Variants in SLTM observed in about 807,000 individuals in gnomAD.
The protein encoded by SLTM is SAFB like transcription modulator, also known as SAFB-like transcription modulator.
In SLTM, 43 loss-of-function variants were observed where a neutral mutation model predicts 134.6. The ratio of observed to expected loss-of-function variants is 0.32; its 90% CI spans 0.25 to 0.41. The LOEUF is 0.41. Among genes scored for constraint, SLTM ranks in the 10% least tolerant of loss-of-function variants. The pLI is 1.00. For missense variants in SLTM, 1,055 were observed against 1,288.8 expected, an observed-to-expected ratio of 0.82 and a Z score of 2.78; for synonymous variants, 424 against 432.3, an observed-to-expected ratio of 0.98 and a Z score of 0.24.
At chr15:58,911,472 A>G (rs2036263124) in intron 5 of SLTM, among the ~76,000 whole-genome samples, 1 of 152,242 alleles carries the variant, frequency 6.6e-6, no homozygotes, top group Admixed American at 6.5e-5. Flanking sequence ...TAACTGTGCT[A>G]ATTCTAGAGC....
intron 3 of SLTM, chr15:58,916,452 G>A (rs545638774): frequency 6.5e-6 from 1 of 153,486 alleles, no homozygotes; most frequent in African/African-American, 2.4e-5. Flanking sequence ...GGGATTACAG[G>A]CGTAAGCCAC....
chr15:58,919,640 T>C (rs922628084), intron 2 of SLTM, among the ~76,000 whole-genome samples: 1 of 151,798 alleles, frequency 6.6e-6, no homozygotes, highest in Admixed American at 6.6e-5. Flanking sequence ...AGAAGCAAAA[T>C]AAACCAAAAC....
Position 58,880,111 on chromosome 15 carries a change from A to C in SLTM, c.2997-4T>G, listed in dbSNP as rs557720026. On this transcript the variant is annotated splice_polypyrimidine_tract_variant and splice_region_variant and intron_variant, in intron 20 of 20. Transcript: ENST00000380516. ...TCTATTAATTGGGGATGCGTTACTG[A>C]AAAAGGTTTAAAAGAAAAAAACATC... is the stretch of plus-strand genomic sequence containing the variant. 3.2e-5 allele frequency: 51 copies of C among 1,609,614 alleles called. No individual in the cohort carries two copies. The East Asian group carries it at 8.0e-4, about 25-fold the overall frequency.
chr15:58,889,988 T>C (rs1595844457), intron 15 of SLTM: 1 of 422,732 alleles, frequency 2.4e-6, no homozygotes, highest in Non-Finnish European at 4.2e-6. Flanking sequence ...AAGACTGGGA[T>C]AGTGACAGAG....
intron 9 of SLTM, among the ~76,000 whole-genome samples, chr15:58,895,137 A>C (rs546951581): frequency 1.1e-4 from 16 of 152,346 alleles, no homozygotes; most frequent in African/African-American, 3.1e-4. Flanking sequence ...GCCAAAACAC[A>C]ATCTCATCAA....
At chr15:58,902,342 G>A (rs1445427927) in intron 5 of SLTM, among the ~76,000 whole-genome samples, 1 of 151,566 alleles carries the variant, frequency 6.6e-6, no homozygotes. Context: ...AAGTAGCTGG[G>A]ATTACAGATG....
At chr15:58,928,538 T>C (rs1306855102) in intron 2 of SLTM, among the ~76,000 whole-genome samples, 2 of 152,060 alleles carry the variant, frequency 1.3e-5, no homozygotes, top group East Asian at 1.9e-4. Flanking sequence ...TCAACATTGT[T>C]TGTGCTTGTA....
intron 9 of SLTM, 34 bp from the exon 10 acceptor site, chr15:58,894,616 C>T: frequency 6.2e-7 from 1 of 1,606,574 alleles, no homozygotes; most frequent in Non-Finnish European, 8.5e-7. Flanking sequence ...GAGAGTTTTA[C>T]AACGTTCCAA....
chr15:58,915,780 T>C (rs1377689063), intron 3 of SLTM, among the ~76,000 whole-genome samples: 1 of 151,990 alleles, frequency 6.6e-6, no homozygotes, highest in Non-Finnish European at 1.5e-5. Context: ...TAAATGAACA[T>C]GAGCTGACTC....
At chr15:58,924,902 C>T (rs1166847295) in intron 2 of SLTM, among the ~76,000 whole-genome samples, 2 of 152,002 alleles carry the variant, frequency 1.3e-5, no homozygotes, top group Non-Finnish European at 2.9e-5. Context: ...TCACTGCAGC[C>T]TCAACCACCT....
At chr15:58,904,307 G>A (rs1039597926) in intron 5 of SLTM, among the ~76,000 whole-genome samples, 7 of 151,960 alleles carry the variant, frequency 4.6e-5, no homozygotes, top group South Asian at 2.1e-4. Context: ...TGCCACGCCC[G>A]GCCAACAATA....
At position 58,893,059 on chromosome 15, in the gene SLTM, A is replaced by C. The variant is rs970276786; in HGVS notation, c.1736T>G (p.Ile579Ser). The change falls in exon 14 of 21, where the codon ATT (isoleucine) becomes AGT (serine). Residue 579 changes from isoleucine to serine, a missense_variant and splice_region_variant. Transcript: ENST00000380516. ...CTCCTTTTCCTTACTTCTTCCATGA[A>C]TCTGTAGAAAAAAATTAGAAGAACA... ...RPSRRGRYEKIHGRSKEKERA... is the reference protein window; with the variant it reads ...RPSRRGRYEKSHGRSKEKERA... The C allele has an allele frequency of 6.4e-7, 1 of 1,570,308 alleles. No individual in the cohort carries two copies. The highest frequency in any genetic ancestry group is 8.6e-7 in the Non-Finnish European group (1 of 1,166,808).
intron 2 of SLTM, 187 bp downstream of exon 2, chr15:58,932,169 G>A (rs1023755125): frequency 3.8e-6 from 2 of 529,324 alleles, no homozygotes; most frequent in Admixed American, 6.2e-5. Context: ...AGCTTCAGCC[G>A]AATCTTAAGG....
chr15:58,921,561 A>G (rs138397635), intron 2 of SLTM: 374 of 444,994 alleles, frequency 8.4e-4, no homozygotes, highest in African/African-American at 6.5e-3. Flanking sequence ...ATCACACTGG[A>G]CATTTAATGT....
intron 5 of SLTM, among the ~76,000 whole-genome samples, chr15:58,908,570 T>C (rs2036040645): frequency 6.6e-6 from 1 of 152,194 alleles, no homozygotes; most frequent in Admixed American, 6.5e-5. Flanking sequence ...GGTCTTACTA[T>C]GTTGCCCAGG....
intron 5 of SLTM, among the ~76,000 whole-genome samples, chr15:58,907,289 T>C (rs1404655767): frequency 6.6e-6 from 1 of 152,178 alleles, no homozygotes; most frequent in East Asian, 1.9e-4. Context: ...TGTTATAGAC[T>C]GAAGAGGTTC....
At chr15:58,887,611 T>C in intron 17 of SLTM, 71 bp from the exon 18 acceptor site, 1 of 1,525,542 alleles carries the variant, frequency 6.6e-7, no homozygotes, top group Non-Finnish European at 8.8e-7. Context: ...CTTAACTTTG[T>C]CTGCATAACC....
In SLTM at chr15:58,913,573, C is replaced by G; in HGVS notation, c.439G>C (p.Glu147Gln). The G allele has an allele frequency of 6.2e-7, 1 of 1,613,366 alleles. No homozygotes were observed. The highest frequency in any genetic ancestry group is 1.3e-5 in the African/African-American group (1 of 75,010). ...ATTAATTCATGAGCTCTCTTGTTTT[C>G]TTCTGCAGAGAGTAACTCCTTGGAA... ...VHSKELLSAE[E>Q]NKRAHELIEA... is the part of the protein sequence containing the mutation. The change falls in exon 4 of 21, where the codon GAA (glutamate) becomes CAA (glutamine). Residue 147 changes from glutamate (E) to glutamine (Q), a missense_variant. Coordinates refer to ENST00000380516, the MANE Select transcript of SLTM (RefSeq NM_024755.4).
At chr15:58,922,554 A>AAAATATATTAT (rs779989378) in intron 2 of SLTM, among the ~76,000 whole-genome samples, 1 of 144,298 alleles carries the variant, frequency 6.9e-6, no homozygotes, top group Admixed American at 7.0e-5. Context: ...ATATGTATAT[A>AAAATATATTAT]ATATGTATAT....
Sources: allele counts gnomAD v4.1 joint callset (sites outside exome capture counted in the v4.1 genomes callset), GRCh38; gene constraint gnomAD v4.1.1; transcripts MANE v1.5; gene names NCBI Gene and HGNC (gene_info 2026-07-23, HGNC 2026-07-21).